Variants in NTRK1 observed in about 807,000 individuals in gnomAD.
NTRK1 encodes high affinity nerve growth factor receptor.
Under a neutral mutation model 86.8 loss-of-function variants are expected in NTRK1, and 62 were observed. The ratio of observed to expected loss-of-function variants is 0.71; its 90% CI spans 0.58 to 0.88. The LOEUF (loss-of-function observed/expected upper bound fraction) is 0.88. Ranked by LOEUF, NTRK1 falls within the 40% of genes least tolerant of loss-of-function variation. The pLI, the probability that NTRK1 is intolerant of heterozygous loss-of-function variation, is 0.00. For missense variants in NTRK1, 967 were observed against 1,078.4 expected (o/e 0.90, Z 1.45); for synonymous variants, 469 against 456.6 (o/e 1.03, Z -0.35).
At chr1:156,838,156 G>A (rs1654643586) in intron 1 of NTRK1, among the ~76,000 whole-genome samples, 1 of 151,726 alleles carries the variant, frequency 6.6e-6, no homozygotes, top group Admixed American at 6.6e-5. Context: ...CAGGCCTCTG[G>A]GCCTCTCTCC....
Position 156,879,329 on chromosome 1 carries a change from G to T in NTRK1, c.2013G>T (p.Met671Ile). The change falls in exon 15 of 17, where the codon ATG becomes ATT. Residue 671 changes from methionine (M) to isoleucine (I), a missense_variant. Physicochemically the swap from Met to Ile is conservative, Grantham distance 10. This residue lies in a region of NTRK1 where 637 missense variants were observed against 776.5 expected (regional missense o/e 0.82). Coordinates refer to ENST00000524377, the MANE Select transcript of NTRK1 (RefSeq NM_002529.4). ...TGGTCAAGATTGGTGATTTTGGCAT[G>T]AGCAGGGATATCTACAGCACCGACT... ...GLVVKIGDFG[M>I]SRDIYSTDYY... 2 of 1,610,798 alleles carry T rather than the reference G, an allele frequency of 1.2e-6. No individual in the cohort carries two copies. The highest frequency in any genetic ancestry group is 1.1e-5 in the South Asian group (1 of 91,038).
intron 1 of NTRK1, among the ~76,000 whole-genome samples, chr1:156,825,732 A>G (rs1238173740): frequency 7.9e-5 from 12 of 152,228 alleles, no homozygotes; most frequent in Admixed American, 7.9e-4. Flanking sequence ...GTCACACAAT[A>G]AGAACATTAA....
chr1:156,824,877 A>G (rs1039407862), intron 1 of NTRK1, among the ~76,000 whole-genome samples: 2 of 152,076 alleles, frequency 1.3e-5, no homozygotes, highest in African/African-American at 4.8e-5. Flanking sequence ...CACAGCCTGA[A>G]CGGCGGTAGG....
chr1:156,853,712 C>G (rs757244276), intron 2 of NTRK1: 1 of 1,557,508 alleles, frequency 6.4e-7, no homozygotes, highest in Non-Finnish European at 8.7e-7. Context: ...TGACCCTGCT[C>G]TCTCCCTTCC....
At chr1:156,874,212 GA>G in intron 8 of NTRK1, 170 bp from the exon 9 acceptor site, 1 of 1,096,598 alleles carries the variant, frequency 9.1e-7, no homozygotes. Context: ...GGCCCAGCTG[GA>G]AAAGGGTCAC....
intron 1 of NTRK1, among the ~76,000 whole-genome samples, chr1:156,835,864 T>A (rs4661228): frequency 6.6e-6 from 1 of 152,146 alleles, no homozygotes; most frequent in African/African-American, 2.4e-5. Context: ...GAGGTACCCC[T>A]GCCTCCTTCA....
rs2102906435 is a variant in NTRK1, at chr1:156,873,946, G to C, written c.1164G>C (p.Glu388Asp). Residue 388 changes from glutamate (E) to aspartate (D), a missense_variant, in exon 8 of 17, where the codon GAG becomes GAC. Physicochemically the swap from Glu to Asp is conservative, Grantham distance 45. Coordinates refer to ENST00000524377, the MANE Select transcript of NTRK1 (RefSeq NM_002529.4). ...FMDNPFEFNPEDPIPVSFSPV... is the reference protein window; with the variant it reads ...FMDNPFEFNPDDPIPVSFSPV... ...ACAACCCTTTCGAGTTCAACCCCGA[G>C]GACCCCATCCCTGGTGCGAGGGCCA... 6.4e-7 allele frequency: 1 copy of C among 1,553,602 alleles called. No homozygotes were observed. The highest frequency in any genetic ancestry group is 8.7e-7 in the Non-Finnish European group (1 of 1,148,016).
chr1:156,879,246 C>A lies in NTRK1; in HGVS notation c.1930C>A (p.Leu644Met). 6.2e-7 allele frequency: 1 copy of A among 1,614,068 alleles called. No individual in the cohort carries two copies. Among genetic ancestry groups the A allele is most frequent in the Non-Finnish European group, 8.5e-7 (1 of 1,180,030 alleles). Residue 644 changes from leucine (L) to methionine (M), a missense_variant, in exon 15 of 17, where the codon CTG becomes ATG. Transcript: ENST00000524377. ...TGCGGGGATGGTGTACCTGGCGGGT[C>A]TGCATTTTGTGCACCGGGACCTGGC... The part of the protein sequence containing the change: ...VAAGMVYLAG[L>M]HFVHRDLATR...
chr1:156,873,501 G>A (rs1647690364), intron 7 of NTRK1, 132 bp from the exon 8 acceptor site: 1 of 713,262 alleles, frequency 1.4e-6, no homozygotes, highest in Admixed American at 2.1e-5. Flanking sequence ...CCCAGGGCCT[G>A]CTGACCTGTT....
At chr1:156,826,759 T>C (rs1016207989) in intron 1 of NTRK1, among the ~76,000 whole-genome samples, 1 of 152,246 alleles carries the variant, frequency 6.6e-6, no homozygotes, top group Non-Finnish European at 1.5e-5. Flanking sequence ...ATTTGCAGAA[T>C]CATAGTATCT....
chr1:156,879,957 C>G (rs2102926805), intron 15 of NTRK1, 42 bp from the exon 16 acceptor site: 2 of 1,608,878 alleles, frequency 1.2e-6, no homozygotes, highest in Middle Eastern at 1.7e-4. Flanking sequence ...GACGGGCTGT[C>G]CCAGGCGCCC....
At chr1:156,849,513 G>GGGGGGGGGGGGGGGGGGGGC in intron 2 of NTRK1, 8 of 486,122 alleles carry the variant, frequency 1.6e-5, no homozygotes, top group East Asian at 5.4e-5. Flanking sequence ...CAGGGGGTGG[G>GGGGGGGGGGGGGGGGGGGGC]AAAGGGGATG....
chr1:156,876,265 C>T (rs2102918255), intron 13 of NTRK1, 55 bp downstream of exon 13: 1 of 1,612,654 alleles, frequency 6.2e-7, no homozygotes, highest in Non-Finnish European at 8.5e-7. Context: ...CCAGGAGCTC[C>T]ATCACATCAG....
intron 1 of NTRK1, among the ~76,000 whole-genome samples, chr1:156,829,334 C>G (rs1654404587): frequency 6.6e-6 from 1 of 152,114 alleles, no homozygotes; most frequent in African/African-American, 2.4e-5. Flanking sequence ...AACAAGGCTC[C>G]CCGTATCCCT....
At chr1:156,849,493 G>GT in intron 2 of NTRK1, 2 of 991,756 alleles carry the variant, frequency 2.0e-6, no homozygotes, top group Non-Finnish European at 3.1e-6. Flanking sequence ...GCTCTGCGGG[G>GT]AGGTGGGGGC....
intron 1 of NTRK1, among the ~76,000 whole-genome samples, chr1:156,864,128 C>A (rs1359080191): frequency 2.6e-5 from 4 of 152,012 alleles, no homozygotes; most frequent in Non-Finnish European, 4.4e-5. Flanking sequence ...TGTATGTGCG[C>A]TTGTGTGTTC....
chr1:156,864,518 G>T (rs567595801), intron 2 of NTRK1, 90 bp downstream of exon 2: 1 of 1,386,398 alleles, frequency 7.2e-7, no homozygotes, highest in South Asian at 1.2e-5. Flanking sequence ...CCGAGGGCCT[G>T]GGAGGACCTG....
At chr1:156,879,435 G>C (rs1340525721) in intron 15 of NTRK1, 73 bp downstream of exon 15, 1 of 1,536,662 alleles carries the variant, frequency 6.5e-7, no homozygotes, top group Non-Finnish European at 8.8e-7. Context: ...AGACCACTGA[G>C]AGCCTGCCCT....
At chr1:156,868,742 A>G in intron 6 of NTRK1, 95 bp downstream of exon 6, 1 of 1,502,992 alleles carries the variant, frequency 6.7e-7, no homozygotes, top group Non-Finnish European at 9.0e-7. Flanking sequence ...GGAAAGAGAC[A>G]ACGAATAAGG....
Sources: allele counts gnomAD v4.1 joint callset (sites outside exome capture counted in the v4.1 genomes callset), GRCh38; gene constraint gnomAD v4.1.1; regional missense constraint gnomAD v4.1.1; transcripts MANE v1.5; gene names NCBI Gene and HGNC (gene_info 2026-07-23, HGNC 2026-07-21).